The following KLF12 variants were observed in gnomAD, a reference collection of about 807,000 sequenced individuals.
KLF12 encodes KLF transcription factor 12, also known as Krueppel-like factor 12.
Under a neutral mutation model 37.8 loss-of-function variants are expected in KLF12, and 9 were observed. The observed-to-expected ratio is 0.24, with a 90% CI of 0.14 to 0.42. KLF12 has a LOEUF of 0.42. KLF12 is among the 10% of genes least tolerant of loss of function. The pLI, the probability that KLF12 is intolerant of heterozygous loss-of-function variation, is 1.00. For missense variants in KLF12, 411 were observed against 516.0 expected (o/e 0.80, Z 1.97); for synonymous variants, 208 against 202.1 (o/e 1.03, Z -0.25).
chr13:74,037,576 T>C (rs769271685), intron 1 of KLF12, among the ~76,000 whole-genome samples: 1 of 152,222 alleles, frequency 6.6e-6, no homozygotes, highest in Non-Finnish European at 1.5e-5. Context: ...TTTTAGCTCA[T>C]TAATACTGTG....
At position 73,859,423 on chromosome 13, in the gene KLF12, G is replaced by GC. The variant is rs146853995; in HGVS notation, c.124-13051dup. Among the ~76,000 whole-genome samples the GC allele has an allele frequency of 7.2e-5, 11 of 152,266 alleles. No individual in the cohort carries two copies. In the East Asian group the frequency reaches 2.1e-3, roughly 29 times the overall value. On this transcript the variant is annotated intron_variant, in intron 3 of 7. Transcript: ENST00000377669. ...AAGACTGAATCCACCTCCCCATGCT[G>GC]CCTGCATCAGCCCTGGAGAGGAAGA...
chr13:73,709,799 G>C (rs1288648862), intron 7 of KLF12, among the ~76,000 whole-genome samples: 1 of 152,142 alleles, frequency 6.6e-6, no homozygotes, highest in Non-Finnish European at 1.5e-5. Context: ...AGGAGAGCTA[G>C]GTGGATTCTG....
At chr13:74,200,603 G>A in the KLF12 span, among the ~76,000 whole-genome samples, 674 of 152,172 alleles carry the variant, frequency 4.4e-3, 7 homozygotes, top group African/African-American at 0.014. Context: ...AAGATCTTCC[G>A]ATTGCCCAAG....
At chr13:73,745,926 C>T (rs965203386) in intron 6 of KLF12, among the ~76,000 whole-genome samples, 4 of 152,094 alleles carry the variant, frequency 2.6e-5, no homozygotes, top group Non-Finnish European at 5.9e-5. Flanking sequence ...CTGCAAAATA[C>T]GTAGTACACA....
chr13:74,145,273 A>G, the KLF12 span, among the ~76,000 whole-genome samples: 2 of 152,178 alleles, frequency 1.3e-5, no homozygotes, highest in Non-Finnish European at 2.9e-5. Flanking sequence ...TATTTTTTCA[A>G]TGGGATTATT....
At chr13:74,163,601 G>A in the KLF12 span, among the ~76,000 whole-genome samples, 1 of 152,058 alleles carries the variant, frequency 6.6e-6, no homozygotes, top group Non-Finnish European at 1.5e-5. Flanking sequence ...TGGAGGGAAG[G>A]TGGGGATGGT....
the KLF12 span, among the ~76,000 whole-genome samples, chr13:74,183,690 C>A: frequency 6.6e-6 from 1 of 152,186 alleles, no homozygotes; most frequent in Admixed American, 6.5e-5. Context: ...AATCCCAGCA[C>A]TTTGGGAGGC....
At chr13:74,041,159 C>T (rs1893392948) in intron 1 of KLF12, among the ~76,000 whole-genome samples, 2 of 152,202 alleles carry the variant, frequency 1.3e-5, no homozygotes. Context: ...ATCACTCCTT[C>T]CACCTCAAAT....
intron 1 of KLF12, among the ~76,000 whole-genome samples, chr13:74,039,933 A>G (rs1329558809): frequency 5.3e-5 from 8 of 152,244 alleles, no homozygotes; most frequent in Non-Finnish European, 1.2e-4. Flanking sequence ...ACGGCTGTCA[A>G]TGTAAAAAGT....
intron 2 of KLF12, among the ~76,000 whole-genome samples, chr13:73,960,734 T>C (rs1382071016): frequency 2.0e-5 from 3 of 152,226 alleles, no homozygotes; most frequent in African/African-American, 7.2e-5. Flanking sequence ...GAATCTGTTA[T>C]ACAGCTTGAA....
intron 1 of KLF12, among the ~76,000 whole-genome samples, chr13:74,071,561 C>T (rs1010968632): frequency 5.3e-5 from 8 of 151,752 alleles, no homozygotes; most frequent in South Asian, 2.1e-4. Flanking sequence ...GGCGTGGTGG[C>T]AGGCGCCTGT....
the KLF12 span, among the ~76,000 whole-genome samples, chr13:74,153,438 T>C: frequency 5.9e-5 from 9 of 152,190 alleles, no homozygotes; most frequent in African/African-American, 2.2e-4. Flanking sequence ...CATCAAGTTA[T>C]AGCTGGTCCA....
intron 1 of KLF12, among the ~76,000 whole-genome samples, chr13:74,000,017 G>A (rs935255848): frequency 6.6e-6 from 1 of 152,132 alleles, no homozygotes. Flanking sequence ...CATTTTACAT[G>A]CTCCTTTTGC....
the KLF12 span, among the ~76,000 whole-genome samples, chr13:74,219,673 A>G: frequency 6.6e-6 from 1 of 152,230 alleles, no homozygotes; most frequent in Non-Finnish European, 1.5e-5. Context: ...CTTTCTTTCT[A>G]AAAATGTCTT....
intron 7 of KLF12, among the ~76,000 whole-genome samples, chr13:73,700,497 T>TC (rs1264225740): frequency 6.6e-6 from 1 of 151,664 alleles, no homozygotes; most frequent in East Asian, 1.9e-4. Flanking sequence ...ACTTTTACGA[T>TC]CCCCCCAAAA....
At chr13:73,971,204 A>G (rs532802884) in intron 2 of KLF12, among the ~76,000 whole-genome samples, 3 of 152,236 alleles carry the variant, frequency 2.0e-5, no homozygotes, top group Non-Finnish European at 4.4e-5. Context: ...GGAATTATAA[A>G]TTAAACTCTT....
chr13:73,832,600 G>A (rs901048301), intron 4 of KLF12, among the ~76,000 whole-genome samples: 27 of 152,174 alleles, frequency 1.8e-4, no homozygotes, highest in African/African-American at 4.1e-4. Context: ...TTTTAGATTC[G>A]TGCTGCGGTT....
At chr13:74,242,365 C>T in the KLF12 span, among the ~76,000 whole-genome samples, 4 of 152,102 alleles carry the variant, frequency 2.6e-5, no homozygotes, top group Non-Finnish European at 5.9e-5. Flanking sequence ...TGGTGGAAGG[C>T]AAAAGCCATG....
the KLF12 span, chr13:74,289,036 C>T: frequency 6.6e-5 from 10 of 152,136 alleles, no homozygotes; most frequent in South Asian, 2.1e-4. Context: ...TTATTTAGAA[C>T]CTAACAACAG....
Sources: allele counts gnomAD v4.1 joint callset (sites outside exome capture counted in the v4.1 genomes callset), GRCh38; gene constraint gnomAD v4.1.1; transcripts MANE v1.5; gene names NCBI Gene and HGNC (gene_info 2026-07-23, HGNC 2026-07-21).